Variants in GGT1 observed in about 807,000 individuals in gnomAD.
The protein encoded by GGT1 is glutathione hydrolase 1 proenzyme.
In GGT1, 21 loss-of-function variants were observed where a neutral mutation model predicts 56.0. The observed-to-expected ratio is 0.38, with a 90% CI of 0.27 to 0.54. The LOEUF (loss-of-function observed/expected upper bound fraction) is 0.54. Ranked by LOEUF, GGT1 falls within the 20% of genes least tolerant of loss-of-function variation. The pLI, the probability that GGT1 is intolerant of heterozygous loss-of-function variation, is 0.82. For synonymous variants in GGT1, 238 were observed against 342.6 expected (o/e 0.69, Z 3.37); for missense variants, 466 against 787.0 (o/e 0.59, Z 4.88).
chr22:24,603,689 G>T (rs2147210131), intron 1 of GGT1, among the ~76,000 whole-genome samples, 162 bp downstream of exon 1: 1 of 152,186 alleles, frequency 6.6e-6, no homozygotes, highest in East Asian at 1.9e-4. Context: ...GAGAGCCGTG[G>T]CTTCTTGGAA....
At chr22:24,626,498 T>G (rs770084864) in intron 11 of GGT1, among the ~76,000 whole-genome samples, 15 of 149,580 alleles carry the variant, frequency 1.0e-4, no homozygotes, top group South Asian at 2.1e-4. Flanking sequence ...CCATGCTTAT[T>G]TATTTATTTT....
At chr22:24,607,601 T>C (rs2046402336) in intron 1 of GGT1, 2 of 159,568 alleles carry the variant, frequency 1.3e-5, no homozygotes, top group African/African-American at 2.4e-5. Flanking sequence ...CTTGCTGCTG[T>C]GACGTCAGCT....
At chr22:24,624,961 C>G (rs1045935783) in intron 11 of GGT1, among the ~76,000 whole-genome samples, 2 of 152,044 alleles carry the variant, frequency 1.3e-5, no homozygotes, top group Admixed American at 1.3e-4. Flanking sequence ...TCACCACACT[C>G]TCCTCGAGTT....
chr22:24,592,701 C>G, upstream of GGT1: 1 of 1,237,916 alleles, frequency 8.1e-7, no homozygotes, highest in East Asian at 3.3e-5. Flanking sequence ...CGTGCTGCAG[C>G]CTGTCGCGCC....
chr22:24,618,112 A>G (rs1665967384), intron 7 of GGT1, among the ~76,000 whole-genome samples: 1 of 152,152 alleles, frequency 6.6e-6, no homozygotes, highest in African/African-American at 2.4e-5. Flanking sequence ...ATTTATGGGT[A>G]CATGTGAGTG....
rs1224580241 is a variant in GGT1, at chr22:24,609,386, A to G, written c.-358-579A>G. ...TGGGGTGGTGCGCTGCTGCATGACTACTGCCAGGTCTCTCTGCTCTTAGTG... is the reference window on the plus strand; with the variant it reads ...TGGGGTGGTGCGCTGCTGCATGACTGCTGCCAGGTCTCTCTGCTCTTAGTG... On this transcript the variant is annotated intron_variant, in intron 2 of 15. Coordinates refer to ENST00000400382, the MANE Select transcript of GGT1 (RefSeq NM_001288833.2). The G allele has an allele frequency of 3.9e-5, 6 of 153,236 alleles. No homozygotes were observed. In the East Asian group the frequency reaches 9.7e-4, roughly 25 times the overall value. The allele number at this position is 153,236 out of a possible 1,614,324, so 9.5% of individuals were successfully genotyped here.
At chr22:24,614,563 C>A (rs1248752377) in intron 5 of GGT1, among the ~76,000 whole-genome samples, 1 of 145,614 alleles carries the variant, frequency 6.9e-6, no homozygotes, top group East Asian at 2.0e-4. Flanking sequence ...TTGCAGTGAG[C>A]TGAGATCGTG....
At position 24,628,347 on chromosome 22, in the gene GGT1, C is replaced by G; in HGVS notation, c.1522C>G (p.Leu508Val). The change falls in exon 15 of 16, where the codon CTT (leucine) becomes GTT (valine). Residue 508 changes from leucine (L) to valine (V), a missense_variant. Around this residue, in one of 2 missense-constraint regions of GGT1, gnomAD observed 456 missense variants for 716.7 expected, o/e 0.64. Transcript: ENST00000400382. The surrounding 1 kb of genome is among the most constrained non-coding windows in gnomAD (Gnocchi z 5.7). ...AVEEPRLHNQ[L>V]LPNVTTVERN... The stretch of plus-strand genomic sequence containing the variant: ...GGAGGAGCCCCGGCTGCACAACCAG[C>G]TTCTGCCCAACGTCACGACAGTGGA... 6.2e-7 allele frequency: 1 copy of G among 1,611,694 alleles called. No homozygotes were observed. Among genetic ancestry groups the G allele is most frequent in the Non-Finnish European group, 8.5e-7 (1 of 1,179,862 alleles).
the GGT1 span, among the ~76,000 whole-genome samples, chr22:24,587,272 G>A: frequency 2.0e-5 from 3 of 152,198 alleles, no homozygotes; most frequent in African/African-American, 7.2e-5. Context: ...GCAGGCTGGG[G>A]GCCGGCCATG....
rs181397209 is a variant in GGT1 at position 24,617,420 on chromosome 22, C to A, written c.382+2293C>A. 6.4e-4 allele frequency among the ~76,000 whole-genome samples: 97 copies of A among 152,206 alleles called. No individual in the cohort carries two copies. The South Asian group carries it at 0.02, about 31-fold the overall frequency. On this transcript the variant is annotated intron_variant, in intron 7 of 15. Coordinates refer to ENST00000400382, the MANE Select transcript of GGT1 (RefSeq NM_001288833.2). ...GAAGGGGATGGATCTGGCCTATGGACCCCGTGGGTTGCTGTGTAAGGGGCA... is the reference window on the plus strand; with the variant it reads ...GAAGGGGATGGATCTGGCCTATGGAACCCGTGGGTTGCTGTGTAAGGGGCA...
intron 7 of GGT1, among the ~76,000 whole-genome samples, chr22:24,618,250 A>G (rs2047192716): frequency 6.6e-6 from 1 of 152,260 alleles, no homozygotes; most frequent in African/African-American, 2.4e-5. Context: ...TATACAAAAT[A>G]CTGTTGCTAA....
At chr22:24,614,225 C>T (rs1221373554) in intron 5 of GGT1, among the ~76,000 whole-genome samples, 7 of 151,002 alleles carry the variant, frequency 4.6e-5, no homozygotes, top group Non-Finnish European at 8.9e-5. Flanking sequence ...GGCATGTGCC[C>T]ATAGTCCCAG....
upstream of GGT1, among the ~76,000 whole-genome samples, chr22:24,590,973 C>A (rs1487868936): frequency 6.6e-6 from 1 of 152,248 alleles, no homozygotes; most frequent in East Asian, 1.9e-4. Context: ...CTACCCATCC[C>A]TCACCCCACC....
chr22:24,626,062 C>T (rs183882483), intron 11 of GGT1, among the ~76,000 whole-genome samples: 4 of 108,220 alleles, frequency 3.7e-5, no homozygotes, highest in Non-Finnish European at 7.1e-5. Context: ...GCGGGATCTC[C>T]GCTCACTGCA....
intron 7 of GGT1, among the ~76,000 whole-genome samples, chr22:24,619,306 G>C (rs2047259116): frequency 6.6e-6 from 1 of 151,580 alleles, no homozygotes; most frequent in Non-Finnish European, 1.5e-5. Flanking sequence ...GCTGAGGCAG[G>C]AGAATTGCTT....
At chr22:24,584,344 G>C in the GGT1 span, among the ~76,000 whole-genome samples, 1 of 152,236 alleles carries the variant, frequency 6.6e-6, no homozygotes, top group Non-Finnish European at 1.5e-5. Context: ...GAGCGGGCCT[G>C]AACTGTGAGA....
chr22:24,592,669 C>T, upstream of GGT1: 1 of 1,026,610 alleles, frequency 9.7e-7, no homozygotes, highest in Non-Finnish European at 1.3e-6. Flanking sequence ...GGCGGTCGCC[C>T]TCTCGCCCAC....
chr22:24,624,714 C>G, intron 11 of GGT1: 1 of 980,974 alleles, frequency 1.0e-6, no homozygotes, highest in Non-Finnish European at 1.2e-6. Flanking sequence ...CTTTCTGCCT[C>G]TGATGATTTA....
In GGT1 at chr22:24,627,949, C is replaced by G. The variant is rs918070915; in HGVS notation, c.1306C>G (p.Pro436Ala). 8.1e-6 allele frequency: 13 copies of G among 1,613,502 alleles called. No homozygotes were observed. The highest frequency in any genetic ancestry group is 3.3e-5 in the Admixed American group (2 of 59,956). ...SPSITNEFGV[P>A]PSPANFIQPG... is the part of the protein sequence containing the mutation. ...CAGCATCACCAACGAGTTTGGGGTA[C>G]CCCCCTCACCTGCCAATTTCATCCA... The change falls in exon 13 of 16, where the codon CCC (proline) becomes GCC (alanine). Residue 436 changes from proline (P) to alanine (A), a missense_variant. By Grantham distance (27) the Pro-to-Ala change is conservative. This residue lies in a region of GGT1 where 456 missense variants were observed against 716.7 expected (regional missense o/e 0.64). Transcript: ENST00000400382.
Sources: allele counts gnomAD v4.1 joint callset (sites outside exome capture counted in the v4.1 genomes callset), GRCh38; gene constraint gnomAD v4.1.1; regional missense constraint gnomAD v4.1.1; non-coding constraint Gnocchi (gnomAD v3.1); transcripts MANE v1.5; gene names NCBI Gene and HGNC (gene_info 2026-07-23, HGNC 2026-07-21).